The following IMMP2L variants were observed in gnomAD, a reference collection of about 807,000 sequenced individuals.
IMMP2L encodes mitochondrial inner membrane protease subunit 2.
IMMP2L carries 18 observed loss-of-function variants against 19.3 expected under a neutral mutation model. The ratio of observed to expected loss-of-function variants is 0.93; its 90% confidence interval spans 0.64 to 1.38. IMMP2L has a LOEUF of 1.38. IMMP2L is among the 40% of genes most tolerant of loss of function. The pLI is 0.00. For synonymous variants in IMMP2L, 76 were observed against 73.0 expected (o/e 1.04, Z -0.21); for missense variants, 233 against 218.2 (o/e 1.07, Z -0.43).
At chr7:111,000,272 A>G (rs1483582506) in intron 3 of IMMP2L, among the ~76,000 whole-genome samples, 1 of 152,198 alleles carries the variant, frequency 6.6e-6, no homozygotes, top group Non-Finnish European at 1.5e-5. Flanking sequence ...TTATCCATTT[A>G]AAATATCTCA....
chr7:110,988,627 C>G (rs914613566), intron 3 of IMMP2L, among the ~76,000 whole-genome samples: 1 of 151,148 alleles, frequency 6.6e-6, no homozygotes, highest in African/African-American at 2.4e-5. Flanking sequence ...AGTAAGGCAG[C>G]AAAAAAAACC....
intron 3 of IMMP2L, among the ~76,000 whole-genome samples, chr7:111,374,141 A>G (rs1330421857): frequency 6.6e-6 from 1 of 152,102 alleles, no homozygotes; most frequent in Non-Finnish European, 1.5e-5. Flanking sequence ...AGCACAAAGC[A>G]GGTCTCCAAA....
intron 3 of IMMP2L, among the ~76,000 whole-genome samples, chr7:111,451,726 A>G (rs1045549216): frequency 1.3e-4 from 20 of 151,686 alleles, no homozygotes; most frequent in Admixed American, 1.2e-3. Context: ...AAAAAAAAAA[A>G]AAGAACAGGG....
At chr7:111,450,114 T>C (rs984667008) in intron 3 of IMMP2L, among the ~76,000 whole-genome samples, 21 of 151,854 alleles carry the variant, frequency 1.4e-4, no homozygotes, top group African/African-American at 4.6e-4. Context: ...AGAATCAATA[T>C]TGTGAAAATG....
intron 3 of IMMP2L, among the ~76,000 whole-genome samples, chr7:111,353,492 C>G (rs769738032): frequency 6.6e-6 from 1 of 152,130 alleles, no homozygotes; most frequent in South Asian, 2.1e-4. Context: ...AACTCAAAAC[C>G]CTTTTCTATT....
intron 3 of IMMP2L, among the ~76,000 whole-genome samples, chr7:111,154,381 A>G (rs1286322250): frequency 6.6e-6 from 1 of 152,128 alleles, no homozygotes; most frequent in Non-Finnish European, 1.5e-5. Context: ...TATTTTTAGG[A>G]TCTTCCCAGT....
chr7:111,018,787 T>TTTTTTA (rs1216112397), intron 3 of IMMP2L, among the ~76,000 whole-genome samples: 5 of 141,482 alleles, frequency 3.5e-5, no homozygotes, highest in South Asian at 2.3e-4. Context: ...TGTGTGTCTT[T>TTTTTTA]TTATTATTAT....
At chr7:111,046,568 C>A (rs1792417626) in intron 3 of IMMP2L, among the ~76,000 whole-genome samples, 4 of 152,010 alleles carry the variant, frequency 2.6e-5, no homozygotes, top group Admixed American at 2.6e-4. Flanking sequence ...AAAAGAAAAG[C>A]TTTTCTCATT....
chr7:111,506,998 AG>A (rs1166189373), intron 2 of IMMP2L, among the ~76,000 whole-genome samples: 1 of 151,970 alleles, frequency 6.6e-6, no homozygotes, highest in African/African-American at 2.4e-5. Flanking sequence ...CATGCCACCA[AG>A]CCTAGCTAAG....
intron 3 of IMMP2L, among the ~76,000 whole-genome samples, chr7:111,126,660 A>T (rs1472623772): frequency 5.4e-5 from 8 of 149,046 alleles, no homozygotes; most frequent in South Asian, 2.1e-4. Context: ...GATTTCACTT[A>T]AAAAAAAAGA....
chr7:111,160,037 A>G (rs933277193), intron 3 of IMMP2L, among the ~76,000 whole-genome samples: 1 of 152,116 alleles, frequency 6.6e-6, no homozygotes, highest in Non-Finnish European at 1.5e-5. Context: ...ATGATTCTTA[A>G]GGGTATTTTA....
At chr7:111,402,544 C>G (rs1353555700) in intron 3 of IMMP2L, among the ~76,000 whole-genome samples, 1 of 151,978 alleles carries the variant, frequency 6.6e-6, no homozygotes, top group East Asian at 1.9e-4. Flanking sequence ...AACCCCGTCT[C>G]TAATAAAAAT....
intron 1 of IMMP2L, among the ~76,000 whole-genome samples, chr7:111,547,440 A>T (rs568521748): frequency 1.3e-5 from 2 of 152,040 alleles, no homozygotes; most frequent in Non-Finnish European, 2.9e-5. Context: ...TATGGGCCCA[A>T]ATTCATGCAG....
chr7:111,092,351 A>G (rs1796961283), intron 3 of IMMP2L, among the ~76,000 whole-genome samples: 2 of 152,122 alleles, frequency 1.3e-5, no homozygotes, highest in South Asian at 4.1e-4. Flanking sequence ...GTTCTAACCA[A>G]CTGCTATATT....
intron 3 of IMMP2L, among the ~76,000 whole-genome samples, chr7:111,298,824 G>C (rs1289582015): frequency 6.6e-6 from 1 of 151,302 alleles, no homozygotes; most frequent in Non-Finnish European, 1.5e-5. Context: ...AGGTGATGGA[G>C]AGGAAACTGT....
chr7:111,315,136 T>G (rs1002147027), intron 3 of IMMP2L, among the ~76,000 whole-genome samples: 1 of 152,142 alleles, frequency 6.6e-6, no homozygotes, highest in Non-Finnish European at 1.5e-5. Flanking sequence ...AAGGCAAACA[T>G]TTGTGACGCT....
At chr7:110,821,435 T>C (rs985471303) in intron 5 of IMMP2L, among the ~76,000 whole-genome samples, 3 of 152,106 alleles carry the variant, frequency 2.0e-5, no homozygotes, top group African/African-American at 7.2e-5. Flanking sequence ...AATTCTCTGC[T>C]TGTATATCAG....
At chr7:110,836,097 G>A (rs922431968) in intron 5 of IMMP2L, among the ~76,000 whole-genome samples, 7 of 152,082 alleles carry the variant, frequency 4.6e-5, no homozygotes, top group Admixed American at 1.3e-4. Context: ...TGGGAGTGGA[G>A]GGGAGCTGAG....
chr7:111,539,727 T>TA (rs1266533222), intron 1 of IMMP2L, among the ~76,000 whole-genome samples: 5 of 152,000 alleles, frequency 3.3e-5, no homozygotes, highest in Non-Finnish European at 7.4e-5. Context: ...AGAAAAAGGT[T>TA]AAAAAACACT....
Sources: allele counts gnomAD v4.1 joint callset (sites outside exome capture counted in the v4.1 genomes callset), GRCh38; gene constraint gnomAD v4.1.1; transcripts MANE v1.5; gene names NCBI Gene and HGNC (gene_info 2026-07-23, HGNC 2026-07-21).